CCSER1: variants seen among roughly 807,000 people sequenced by gnomAD.
CCSER1 encodes coiled-coil serine rich protein 1, also known as serine-rich coiled-coil domain-containing protein 1.
In CCSER1, 41 loss-of-function variants were observed where a neutral mutation model predicts 82.0. The observed-to-expected ratio is 0.50, with a 90% confidence interval of 0.39 to 0.65. CCSER1 has a LOEUF of 0.65. Ranked by LOEUF, CCSER1 falls within the 30% of genes least tolerant of loss-of-function variation. CCSER1 has a pLI of 0.00. For synonymous variants in CCSER1, 414 were observed against 383.9 expected (o/e 1.08, Z -0.92); for missense variants, 1,119 against 1,064.2 (o/e 1.05, Z -0.72).
rs547113064 is a variant in CCSER1 at position 91,470,667 on chromosome 4, C to T, written c.2218-127905C>T. Among the ~76,000 whole-genome samples, 15 of 152,086 alleles carry T rather than the reference C, an allele frequency of 9.9e-5. 1 individual carries two copies. The South Asian group carries it at 3.1e-3, about 32-fold the overall frequency. ...TAGTGGTTACCTGGAGGGCTGTGTA[C>T]AGAGGAATTTTAGGTTGAATATGGT... is the stretch of plus-strand genomic sequence containing the variant. On this transcript the variant is annotated intron_variant, in intron 10 of 10. Coordinates refer to ENST00000509176, the MANE Select transcript of CCSER1 (RefSeq NM_001145065.2).
At chr4:90,806,227 A>T (rs1425361437) in intron 7 of CCSER1, among the ~76,000 whole-genome samples, 18 of 152,206 alleles carry the variant, frequency 1.2e-4, no homozygotes, top group Admixed American at 1.2e-3. Context: ...TTGTCTTCTT[A>T]TGGCATATAA....
intron 3 of CCSER1, among the ~76,000 whole-genome samples, chr4:90,316,631 G>A (rs1736214367): frequency 6.6e-6 from 1 of 152,112 alleles, no homozygotes; most frequent in Non-Finnish European, 1.5e-5. Flanking sequence ...AACTTTTAAT[G>A]TTAGCATTAA....
At chr4:91,580,972 A>C (rs1763699375) in intron 10 of CCSER1, among the ~76,000 whole-genome samples, 1 of 151,758 alleles carries the variant, frequency 6.6e-6, no homozygotes, top group African/African-American at 2.4e-5. Context: ...AAGATAGGAT[A>C]CAAACCAAAA....
At chr4:90,324,480 G>A in intron 3 of CCSER1, among the ~76,000 whole-genome samples, 1 of 149,642 alleles carries the variant, frequency 6.7e-6, no homozygotes, top group Non-Finnish European at 1.5e-5. Flanking sequence ...TTTGAGAAGT[G>A]TCTGTTCATG....
At chr4:90,327,223 A>G (rs1185460977) in intron 3 of CCSER1, among the ~76,000 whole-genome samples, 1 of 152,058 alleles carries the variant, frequency 6.6e-6, no homozygotes, top group Admixed American at 6.6e-5. Context: ...CTCTCCTCAA[A>G]ATATCTGTTC....
At chr4:91,209,091 A>T (rs1736584424) in intron 10 of CCSER1, among the ~76,000 whole-genome samples, 1 of 151,994 alleles carries the variant, frequency 6.6e-6, no homozygotes, top group African/African-American at 2.4e-5. Context: ...GAAGTTGTTT[A>T]TCAGCTCACG....
At chr4:90,457,724 G>A (rs553262546) in intron 4 of CCSER1, among the ~76,000 whole-genome samples, 27 of 152,232 alleles carry the variant, frequency 1.8e-4, no homozygotes, top group Middle Eastern at 3.4e-3. Flanking sequence ...GGCTGGGCCC[G>A]GAAAAGGCAC....
intron 9 of CCSER1, among the ~76,000 whole-genome samples, chr4:91,073,951 A>C (rs1452802085): frequency 1.3e-5 from 2 of 152,164 alleles, no homozygotes; most frequent in African/African-American, 4.8e-5. Context: ...AGAGACTTAA[A>C]CAATATCCTT....
At chr4:91,221,744 A>G (rs1012052151) in intron 10 of CCSER1, among the ~76,000 whole-genome samples, 1 of 152,104 alleles carries the variant, frequency 6.6e-6, no homozygotes, top group African/African-American at 2.4e-5. Flanking sequence ...GTGGGTATAG[A>G]GATGAGCAAG....
chr4:90,487,224 T>C (rs1490300087), intron 5 of CCSER1, among the ~76,000 whole-genome samples: 2 of 152,248 alleles, frequency 1.3e-5, no homozygotes, highest in African/African-American at 2.4e-5. Context: ...CTCTATTTTT[T>C]AATACCTCTT....
At chr4:90,200,439 G>A (rs1353233544) in intron 1 of CCSER1, among the ~76,000 whole-genome samples, 1 of 151,738 alleles carries the variant, frequency 6.6e-6, no homozygotes, top group Non-Finnish European at 1.5e-5. Flanking sequence ...CTTATTTAGA[G>A]GATTTTTTCA....
chr4:90,790,481 G>T (rs1273725150), intron 7 of CCSER1, among the ~76,000 whole-genome samples: 1 of 152,014 alleles, frequency 6.6e-6, no homozygotes, highest in Non-Finnish European at 1.5e-5. Context: ...TCCTACCTTT[G>T]CTTAGAAAAT....
chr4:90,895,918 G>A (rs1488149255), intron 8 of CCSER1, among the ~76,000 whole-genome samples: 2 of 151,986 alleles, frequency 1.3e-5, no homozygotes, highest in East Asian at 1.9e-4. Flanking sequence ...TTTTATTTTA[G>A]AAAGGTGAGT....
chr4:90,389,663 T>C (rs1485687025), intron 3 of CCSER1, among the ~76,000 whole-genome samples: 3 of 152,148 alleles, frequency 2.0e-5, no homozygotes, highest in Non-Finnish European at 4.4e-5. Flanking sequence ...AGTGAGATAG[T>C]TATATTTCTC....
intron 8 of CCSER1, among the ~76,000 whole-genome samples, chr4:90,880,141 T>C (rs1311076899): frequency 6.6e-6 from 1 of 152,136 alleles, no homozygotes; most frequent in South Asian, 2.1e-4. Flanking sequence ...TCTCTGAAAG[T>C]GTGGGTTCCT....
At chr4:91,181,082 TC>T (rs1158211538) in intron 10 of CCSER1, among the ~76,000 whole-genome samples, 1 of 152,242 alleles carries the variant, frequency 6.6e-6, no homozygotes, top group African/African-American at 2.4e-5. Flanking sequence ...CCCACAGTCT[TC>T]CAGCATGGGC....
At chr4:91,086,253 T>C (rs538719620) in intron 10 of CCSER1, among the ~76,000 whole-genome samples, 23 of 152,260 alleles carry the variant, frequency 1.5e-4, no homozygotes, top group South Asian at 6.2e-4. Context: ...GTTTCTGTTA[T>C]AATGGATTTC....
intron 10 of CCSER1, among the ~76,000 whole-genome samples, chr4:91,322,541 C>CT (rs562970802): frequency 2.0e-5 from 3 of 152,056 alleles, no homozygotes; most frequent in Admixed American, 6.6e-5. Context: ...GTTTTTTTCA[C>CT]TTTTTTCCTT....
chr4:90,248,567 G>A (rs778343287), intron 1 of CCSER1, among the ~76,000 whole-genome samples: 20 of 152,036 alleles, frequency 1.3e-4, no homozygotes, highest in African/African-American at 2.7e-4. Flanking sequence ...TTGGGTATGC[G>A]CCACCATTAA....
Sources: gnomAD v4.1 joint callset for allele counts (sites outside exome capture counted in the v4.1 genomes callset) on GRCh38, gnomAD v4.1.1 for gene constraint, MANE v1.5 for transcripts, NCBI Gene and HGNC (gene_info 2026-07-23, HGNC 2026-07-21) for gene names.